Variants in IMMP2L observed in about 807,000 individuals in gnomAD.
IMMP2L encodes mitochondrial inner membrane protease subunit 2.
Under a neutral mutation model 19.3 loss-of-function variants are expected in IMMP2L, and 18 were observed. The ratio of observed to expected loss-of-function variants is 0.93; its 90% CI spans 0.64 to 1.38. IMMP2L has a LOEUF of 1.38. Ranked by LOEUF, IMMP2L falls within the 40% of genes most tolerant of loss-of-function variation. IMMP2L has a pLI of 0.00. For missense variants in IMMP2L, 233 were observed against 218.2 expected, an observed-to-expected ratio of 1.07 and a Z score of -0.43; for synonymous variants, 76 against 73.0, an observed-to-expected ratio of 1.04 and a Z score of -0.21.
At chr7:111,418,641 C>T (rs561172266) in intron 3 of IMMP2L, among the ~76,000 whole-genome samples, 2 of 151,732 alleles carry the variant, frequency 1.3e-5, no homozygotes, top group Non-Finnish European at 2.9e-5. Context: ...CATTTACAGT[C>T]ATGGTTATTT....
intron 3 of IMMP2L, among the ~76,000 whole-genome samples, chr7:111,060,537 G>A (rs75131919): frequency 1.3e-5 from 2 of 152,164 alleles, no homozygotes; most frequent in Non-Finnish European, 2.9e-5. Context: ...GGCATGTCCA[G>A]GAGTAAAGCT....
intron 4 of IMMP2L, among the ~76,000 whole-genome samples, chr7:110,936,993 A>C (rs763392923): frequency 7.2e-5 from 11 of 152,120 alleles, no homozygotes; most frequent in Non-Finnish European, 1.3e-4. Flanking sequence ...CATAAGTGGG[A>C]GTTGAACAAT....
chr7:110,706,986 C>A (rs1234810574), intron 5 of IMMP2L, among the ~76,000 whole-genome samples: 1 of 111,402 alleles, frequency 9.0e-6, no homozygotes, highest in African/African-American at 3.6e-5. Flanking sequence ...AGGTGTTACA[C>A]TTAAATTTTT....
intron 3 of IMMP2L, among the ~76,000 whole-genome samples, chr7:111,260,068 C>T (rs1817154381): frequency 6.6e-6 from 1 of 152,056 alleles, no homozygotes; most frequent in Non-Finnish European, 1.5e-5. Context: ...TTACTATTAA[C>T]TTTTGTTGTT....
intron 4 of IMMP2L, among the ~76,000 whole-genome samples, chr7:110,948,851 G>A (rs1817514803): frequency 6.6e-6 from 1 of 152,098 alleles, no homozygotes. Flanking sequence ...AACGTGGACG[G>A]GCATCATCCA....
At chr7:111,239,117 A>C (rs141118457) in intron 3 of IMMP2L, among the ~76,000 whole-genome samples, 1 of 151,948 alleles carries the variant, frequency 6.6e-6, no homozygotes, top group Admixed American at 6.6e-5. Context: ...CTCATATGTA[A>C]ATCTGAACTA....
chr7:111,440,446 G>A (rs1837604494), intron 3 of IMMP2L, among the ~76,000 whole-genome samples: 1 of 151,906 alleles, frequency 6.6e-6, no homozygotes, highest in Non-Finnish European at 1.5e-5. Context: ...GAGCTCTTGG[G>A]TGACCAGGTG....
At chr7:111,499,222 G>C (rs1843901967) in intron 2 of IMMP2L, among the ~76,000 whole-genome samples, 1 of 152,112 alleles carries the variant, frequency 6.6e-6, no homozygotes. Flanking sequence ...GCCAAAATGA[G>C]TCATAAGGCC....
At chr7:111,442,630 T>C (rs1837859651) in intron 3 of IMMP2L, among the ~76,000 whole-genome samples, 1 of 151,738 alleles carries the variant, frequency 6.6e-6, no homozygotes, top group South Asian at 2.1e-4. Context: ...CCGCAATATG[T>C]CTGTATAGGT....
chr7:110,785,018 C>T (rs1388091824), intron 5 of IMMP2L, among the ~76,000 whole-genome samples: 3 of 151,888 alleles, frequency 2.0e-5, no homozygotes, highest in Non-Finnish European at 4.4e-5. Flanking sequence ...ATTACCTTTA[C>T]TCAGAAATAA....
At chr7:111,185,069 T>C (rs1224112320) in intron 3 of IMMP2L, among the ~76,000 whole-genome samples, 1 of 152,208 alleles carries the variant, frequency 6.6e-6, no homozygotes, top group African/African-American at 2.4e-5. Context: ...ATGTCATCAC[T>C]GAATGGAAGC....
intron 5 of IMMP2L, among the ~76,000 whole-genome samples, chr7:110,749,026 C>A (rs1797555533): frequency 6.6e-6 from 1 of 152,156 alleles, no homozygotes; most frequent in Non-Finnish European, 1.5e-5. Context: ...TATCCAGAAT[C>A]TACAAAGAAC....
chr7:111,193,143 T>C (rs762833028), intron 3 of IMMP2L, among the ~76,000 whole-genome samples: 1 of 152,116 alleles, frequency 6.6e-6, no homozygotes, highest in Non-Finnish European at 1.5e-5. Context: ...TGTGAGGGAT[T>C]TCCTCTTTTG....
intron 3 of IMMP2L, among the ~76,000 whole-genome samples, chr7:111,262,630 T>G (rs1455813994): frequency 6.6e-6 from 1 of 152,126 alleles, no homozygotes; most frequent in African/African-American, 2.4e-5. Context: ...ATGATTCCTA[T>G]AGTAAACAGA....
chr7:111,546,081 T>C (rs1449262800), intron 1 of IMMP2L, among the ~76,000 whole-genome samples: 1 of 152,116 alleles, frequency 6.6e-6, no homozygotes, highest in African/African-American at 2.4e-5. Context: ...ACATAAATAT[T>C]TCATTATATA....
At chr7:111,414,967 T>C (rs1426245817) in intron 3 of IMMP2L, among the ~76,000 whole-genome samples, 4 of 151,894 alleles carry the variant, frequency 2.6e-5, no homozygotes, top group South Asian at 2.1e-4. Flanking sequence ...TTAAGTATGA[T>C]AGTTTTCACT....
intron 5 of IMMP2L, among the ~76,000 whole-genome samples, chr7:110,818,972 CG>C (rs1379423167): frequency 1.2e-5 from 1 of 82,420 alleles, no homozygotes; most frequent in Non-Finnish European, 2.2e-5. Flanking sequence ...GGGTGGGGGG[CG>C]GGGGGAGGGA....
intron 4 of IMMP2L, among the ~76,000 whole-genome samples, chr7:110,906,114 A>G (rs1293933800): frequency 6.6e-6 from 1 of 152,184 alleles, no homozygotes; most frequent in Non-Finnish European, 1.5e-5. Context: ...ACCACATTTG[A>G]CAGCCATTTA....
chr7:111,171,042 G>A (rs1372508212), intron 3 of IMMP2L, among the ~76,000 whole-genome samples: 1 of 151,756 alleles, frequency 6.6e-6, no homozygotes, highest in East Asian at 1.9e-4. Context: ...CTCTGATTGT[G>A]TGTTTGATTG....
Sources: gnomAD v4.1 joint callset for allele counts (sites outside exome capture counted in the v4.1 genomes callset) on GRCh38, gnomAD v4.1.1 for gene constraint, MANE v1.5 for transcripts, NCBI Gene and HGNC (gene_info 2026-07-23, HGNC 2026-07-21) for gene names.